CSMD1: variants seen among roughly 807,000 people sequenced by gnomAD.
CSMD1 encodes CUB and Sushi multiple domains 1.
CSMD1 carries 213 observed loss-of-function variants against 417.5 expected under a neutral mutation model. The observed-to-expected ratio is 0.51, with a 90% CI of 0.46 to 0.57. The LOEUF is 0.57. Among genes scored for constraint, CSMD1 ranks in the 20% least tolerant of loss-of-function variants. The pLI, the probability that CSMD1 is intolerant of heterozygous loss-of-function variation, is 0.00. For missense variants in CSMD1, 6,923 were observed against 4,529.7 expected (o/e 1.53, Z -15.17); for synonymous variants, 2,862 against 1,736.8 (o/e 1.65, Z -16.11).
intron 3 of CSMD1, among the ~76,000 whole-genome samples, chr8:4,223,741 T>C (rs1195715245): frequency 6.6e-6 from 1 of 152,188 alleles, no homozygotes; most frequent in African/African-American, 2.4e-5. Context: ...TTGGGTCAGA[T>C]TCTCAGAATA....
intron 3 of CSMD1, among the ~76,000 whole-genome samples, chr8:4,364,258 G>C (rs1280174056): frequency 6.6e-6 from 1 of 152,036 alleles, no homozygotes; most frequent in Non-Finnish European, 1.5e-5. Flanking sequence ...CATCTCAAAG[G>C]GGCAGAAAGG....
rs189287059 is a variant in CSMD1 at position 3,455,619 on chromosome 8, G to A, written c.1561+13093C>T. On this transcript the variant is annotated intron_variant, in intron 12 of 69. Coordinates refer to ENST00000635120, the MANE Select transcript of CSMD1 (RefSeq NM_033225.6). Reference sequence around the variant, plus strand: ...CTGGGTATCAGCAGCAGAGGCTGCAGAACAGTGGATATTGCTGAACAGCAA... The same window carrying A: ...CTGGGTATCAGCAGCAGAGGCTGCAAAACAGTGGATATTGCTGAACAGCAA... Among the ~76,000 whole-genome samples, 88 of 152,342 alleles carry A rather than the reference G, an allele frequency of 5.8e-4. 1 individual carries two copies. In the East Asian group the frequency reaches 0.015, roughly 25 times the overall value.
chr8:3,081,355 GA>G (rs1814082240), intron 49 of CSMD1, among the ~76,000 whole-genome samples: 1 of 151,822 alleles, frequency 6.6e-6, no homozygotes, highest in Non-Finnish European at 1.5e-5. Context: ...AAATCATTGA[GA>G]AAAAAATAGA....
At chr8:4,940,205 G>A (rs766561432) in intron 1 of CSMD1, among the ~76,000 whole-genome samples, 11 of 152,096 alleles carry the variant, frequency 7.2e-5, no homozygotes, top group Non-Finnish European at 1.2e-4. Context: ...AGAAGATCCT[G>A]GCCACCCTAG....
intron 1 of CSMD1, among the ~76,000 whole-genome samples, chr8:4,652,925 G>C (rs76117540): frequency 2.0e-5 from 3 of 151,562 alleles, no homozygotes; most frequent in African/African-American, 7.3e-5. Flanking sequence ...GTGGAGTTCA[G>C]GTGGTAATGT....
chr8:3,722,893 C>A (rs1287632505), intron 6 of CSMD1, among the ~76,000 whole-genome samples: 1 of 136,266 alleles, frequency 7.3e-6, no homozygotes, highest in Non-Finnish European at 1.6e-5. Context: ...ACCATTTTTA[C>A]TTGAGAGACT....
chr8:3,532,063 T>C (rs1288521881), intron 10 of CSMD1, among the ~76,000 whole-genome samples: 2 of 152,226 alleles, frequency 1.3e-5, no homozygotes, highest in South Asian at 2.1e-4. Flanking sequence ...TACTGCCTCA[T>C]GATTAGCTCG....
At chr8:3,514,235 TAGAGTCTCTTTCATTTTCTC>T (rs1244926715) in intron 10 of CSMD1, among the ~76,000 whole-genome samples, 1 of 152,188 alleles carries the variant, frequency 6.6e-6, no homozygotes, top group Non-Finnish European at 1.5e-5. Flanking sequence ...CCGGCTTTCT[TAGAGTCTCTTTCATTTTCTC>T]AGGAAGCCAT....
chr8:4,562,756 T>C (rs140052290), intron 2 of CSMD1, among the ~76,000 whole-genome samples: 1 of 152,152 alleles, frequency 6.6e-6, no homozygotes, highest in Non-Finnish European at 1.5e-5. Context: ...TGGTGGCTGT[T>C]AGCAGAGTCA....
intron 25 of CSMD1, among the ~76,000 whole-genome samples, chr8:3,306,228 TC>T (rs1804834483): frequency 6.6e-6 from 1 of 151,928 alleles, no homozygotes; most frequent in Non-Finnish European, 1.5e-5. Context: ...GGGTGGCTTT[TC>T]TGAATAAGGA....
chr8:3,482,523 A>C (rs1817806261), intron 11 of CSMD1, among the ~76,000 whole-genome samples: 1 of 152,236 alleles, frequency 6.6e-6, no homozygotes, highest in Non-Finnish European at 1.5e-5. Context: ...GACAAGAAGC[A>C]AAAACTGATA....
chr8:4,421,730 A>C (rs1797257141), intron 2 of CSMD1, among the ~76,000 whole-genome samples: 1 of 152,090 alleles, frequency 6.6e-6, no homozygotes, highest in African/African-American at 2.4e-5. Flanking sequence ...CAGCTTAGAA[A>C]AACTCCCAAA....
chr8:4,246,060 G>C (rs908660470), intron 3 of CSMD1, among the ~76,000 whole-genome samples: 2 of 152,122 alleles, frequency 1.3e-5, no homozygotes, highest in Non-Finnish European at 2.9e-5. Context: ...AGTGGTAGAA[G>C]TGCAGGTTTG....
chr8:4,427,151 G>A (rs1211860093), intron 2 of CSMD1, among the ~76,000 whole-genome samples: 3 of 151,112 alleles, frequency 2.0e-5, no homozygotes, highest in Non-Finnish European at 4.4e-5. Flanking sequence ...GGGTGGTGAG[G>A]ACAGAATCTA....
At chr8:3,524,699 T>C (rs1184993541) in intron 10 of CSMD1, among the ~76,000 whole-genome samples, 1 of 132,018 alleles carries the variant, frequency 7.6e-6, no homozygotes, top group Admixed American at 7.5e-5. Context: ...CAAAGAGACG[T>C]GCACACACAA....
At chr8:3,189,035 T>C (rs565744883) in intron 34 of CSMD1, 24 bp from the exon 35 acceptor site, 5 of 1,601,742 alleles carry the variant, frequency 3.1e-6, no homozygotes, top group South Asian at 2.3e-5. Flanking sequence ...CCATATGTCA[T>C]GAAATAAAGT....
chr8:4,326,831 G>GAA (rs57676205), intron 3 of CSMD1, among the ~76,000 whole-genome samples: 42 of 151,038 alleles, frequency 2.8e-4, no homozygotes, highest in African/African-American at 7.8e-4. Context: ...AGATTCTTCT[G>GAA]AAAAAAAAAG....
At chr8:4,280,236 C>T (rs1796704394) in intron 3 of CSMD1, among the ~76,000 whole-genome samples, 1 of 152,128 alleles carries the variant, frequency 6.6e-6, no homozygotes, top group South Asian at 2.1e-4. Flanking sequence ...TCTCTTTAGG[C>T]ATATAGTTAG....
At chr8:4,955,707 C>G (rs957019791) in intron 1 of CSMD1, among the ~76,000 whole-genome samples, 1 of 146,178 alleles carries the variant, frequency 6.8e-6, no homozygotes, top group South Asian at 2.2e-4. Context: ...CCACCCACCT[C>G]GGCCTCCTAA....
Sources: gnomAD v4.1 joint callset for allele counts (sites outside exome capture counted in the v4.1 genomes callset) on GRCh38, gnomAD v4.1.1 for gene constraint, MANE v1.5 for transcripts, NCBI Gene and HGNC (gene_info 2026-07-23, HGNC 2026-07-21) for gene names.